ERICH1: variants seen among roughly 807,000 people sequenced by gnomAD.
ERICH1 encodes the protein glutamate-rich protein 1.
In ERICH1, 56 loss-of-function variants were observed where a neutral mutation model predicts 39.6. That is an observed-to-expected ratio of 1.41 (90% CI 1.14 to 1.77). ERICH1 has a LOEUF of 1.77. Among genes scored for constraint, ERICH1 ranks in the 40% most tolerant of loss-of-function variants. The probability of loss-of-function intolerance (pLI) is 0.00; values close to 1 mark genes in which losing one functional copy is unlikely to be tolerated. For synonymous variants in ERICH1, 313 were observed against 223.6 expected (o/e 1.40, Z -3.57); for missense variants, 826 against 575.4 (o/e 1.44, Z -4.45).
At chr8:670,410 G>C (rs1196627470) in intron 4 of ERICH1, among the ~76,000 whole-genome samples, 5 of 152,094 alleles carry the variant, frequency 3.3e-5, no homozygotes, top group African/African-American at 1.2e-4. Context: ...GCATAGGAAA[G>C]ACTGCAGAGG....
chr8:673,521 G>A lies in ERICH1; in HGVS notation c.831C>T (p.Thr277=). ...KDAREEDGVD[T]IEEDLTRAGE... Reference sequence around the variant, plus strand: ...CGGCCCGTGTCAGGTCTTCCTCAATGGTGTCCACACCGTCCTCCTCCCTGG... The same window carrying A: ...CGGCCCGTGTCAGGTCTTCCTCAATAGTGTCCACACCGTCCTCCTCCCTGG... The change falls in exon 4 of 6, where the codon ACC becomes ACT. Residue 277 remains threonine, a synonymous_variant. Coordinates refer to ENST00000262109, the MANE Select transcript of ERICH1 (RefSeq NM_207332.3). 1.2e-6 allele frequency: 2 copies of A among 1,612,458 alleles called. No individual in the cohort carries two copies. Among genetic ancestry groups the A allele is most frequent in the Non-Finnish European group, 8.5e-7 (1 of 1,179,722 alleles).
intron 2 of ERICH1, among the ~76,000 whole-genome samples, chr8:708,681 G>GTTTTTTGTT: frequency 1.5e-4 from 10 of 65,814 alleles, no homozygotes; most frequent in South Asian, 6.1e-4. Flanking sequence ...GGGATAATGA[G>GTTTTTTGTT]TTTTTTTTTT....
At chr8:712,431 T>C (rs1320357278) in intron 2 of ERICH1, among the ~76,000 whole-genome samples, 2 of 152,146 alleles carry the variant, frequency 1.3e-5, no homozygotes, top group Non-Finnish European at 2.9e-5. Flanking sequence ...TGTTTTGTTT[T>C]GTTTTGTTTT....
At chr8:683,405 G>A (rs917598899) in intron 3 of ERICH1, among the ~76,000 whole-genome samples, 9 of 152,228 alleles carry the variant, frequency 5.9e-5, no homozygotes, top group African/African-American at 2.2e-4. Context: ...GAGACGGGGA[G>A]CACCCCTCCA....
At chr8:680,495 G>C in intron 3 of ERICH1, among the ~76,000 whole-genome samples, 1 of 138,444 alleles carries the variant, frequency 7.2e-6, no homozygotes, top group Non-Finnish European at 1.5e-5. Flanking sequence ...AACACGGAAA[G>C]TCCAAGAGAA....
chr8:633,870 C>G (rs184952280), intron 3 of ERICH1, among the ~76,000 whole-genome samples: 8 of 152,304 alleles, frequency 5.3e-5, no homozygotes, highest in Non-Finnish European at 5.9e-5. Context: ...TACTTTACAG[C>G]TGACAAAAAT....
chr8:661,761 A>G (rs1801455272), downstream of ERICH1, among the ~76,000 whole-genome samples: 1 of 152,270 alleles, frequency 6.6e-6, no homozygotes, highest in African/African-American at 2.4e-5. Flanking sequence ...ATTAACCCTG[A>G]GCATCCCACC....
chr8:685,015 G>C (rs1806979552), intron 3 of ERICH1, among the ~76,000 whole-genome samples: 1 of 152,210 alleles, frequency 6.6e-6, no homozygotes, highest in Non-Finnish European at 1.5e-5. Flanking sequence ...TTCAAGAGCA[G>C]AGAACCGGTC....
At chr8:656,089 G>A (rs986413758) in intron 3 of ERICH1, among the ~76,000 whole-genome samples, 6 of 152,150 alleles carry the variant, frequency 3.9e-5, no homozygotes, top group African/African-American at 1.4e-4. Context: ...CGCCAGGTCT[G>A]AACTGCCTGT....
chr8:681,832 G>T (rs1806194542), intron 3 of ERICH1, among the ~76,000 whole-genome samples: 1 of 152,114 alleles, frequency 6.6e-6, no homozygotes, highest in African/African-American at 2.4e-5. Flanking sequence ...AGGCCCACCT[G>T]TGCGCTTCCC....
chr8:708,929 A>G (rs1252483125), intron 2 of ERICH1, among the ~76,000 whole-genome samples: 1 of 151,856 alleles, frequency 6.6e-6, no homozygotes, highest in Non-Finnish European at 1.5e-5. Context: ...TCCTAAGCTC[A>G]AGTGATCCAC....
chr8:679,521 A>C (rs1805641384), intron 3 of ERICH1, among the ~76,000 whole-genome samples: 1 of 151,442 alleles, frequency 6.6e-6, no homozygotes, highest in African/African-American at 2.4e-5. Flanking sequence ...AGGGCATTGC[A>C]AGAAGGGAGG....
At chr8:680,077 T>A (rs1357420648) in intron 3 of ERICH1, among the ~76,000 whole-genome samples, 22 of 97,206 alleles carry the variant, frequency 2.3e-4, no homozygotes, top group Non-Finnish European at 3.6e-4. Context: ...TGCAAGAGAA[T>A]CCACAGCTGC....
At chr8:628,987 G>C (rs1410840057) in intron 3 of ERICH1, among the ~76,000 whole-genome samples, 4 of 152,122 alleles carry the variant, frequency 2.6e-5, no homozygotes, top group Non-Finnish European at 5.9e-5. Flanking sequence ...CACCAAGCTG[G>C]CTTGAATCCA....
chr8:670,138 C>T (rs1421684701), intron 4 of ERICH1, among the ~76,000 whole-genome samples: 3 of 152,164 alleles, frequency 2.0e-5, no homozygotes, highest in Admixed American at 6.5e-5. Context: ...CTCTTTTATA[C>T]CAACTCTCAT....
intron 3 of ERICH1, chr8:690,943 T>A (rs1808762016): frequency 6.6e-6 from 1 of 152,272 alleles, no homozygotes. Flanking sequence ...GGCTCTTCCT[T>A]CTTGTGTGCC....
intron 5 of ERICH1, 95 bp from the exon 6 acceptor site, chr8:664,771 G>A: frequency 1.0e-6 from 1 of 960,262 alleles, no homozygotes. Flanking sequence ...TGGGCCCAAA[G>A]TGAACTCCCA....
chr8:721,950 G>C (rs1032887537), intron 1 of ERICH1, among the ~76,000 whole-genome samples: 1 of 152,080 alleles, frequency 6.6e-6, no homozygotes. Flanking sequence ...ACAATGTGTT[G>C]AAAACAAAAG....
intron 3 of ERICH1, among the ~76,000 whole-genome samples, chr8:687,213 C>T (rs1807623055): frequency 6.6e-6 from 1 of 152,220 alleles, no homozygotes; most frequent in South Asian, 2.1e-4. Context: ...GACTTATGTT[C>T]ATGACTCTGT....
Sources: gnomAD v4.1 joint callset for allele counts (sites outside exome capture counted in the v4.1 genomes callset) on GRCh38, gnomAD v4.1.1 for gene constraint, MANE v1.5 for transcripts, NCBI Gene and HGNC (gene_info 2026-07-23, HGNC 2026-07-21) for gene names.